Variants in DMD observed in about 807,000 individuals in gnomAD.
DMD encodes the protein dystrophin, also known as mutant dystrophin.
In DMD, 63 loss-of-function variants were observed where a neutral mutation model predicts 330.1. The ratio of observed to expected loss-of-function variants is 0.19; its 90% confidence interval spans 0.16 to 0.24. The LOEUF is 0.24. DMD is among the 10% of genes least tolerant of loss of function. The probability of loss-of-function intolerance (pLI) is 1.00; values close to 1 mark genes in which losing one functional copy is unlikely to be tolerated. For missense variants in DMD, 3,344 were observed against 2,684.1 expected, an observed-to-expected ratio of 1.25 and a Z score of -5.43; for synonymous variants, 1,223 against 959.8, an observed-to-expected ratio of 1.27 and a Z score of -5.07.
intron 13 of DMD, among the ~76,000 whole-genome samples, chrX:32,586,268 G>C (rs1449615817): frequency 9.1e-6 from 1 of 109,555 alleles, no homozygotes; most frequent in Non-Finnish European, 1.9e-5. Context: ...TGTCGTTCTA[G>C]AAAAGAAAAA....
At chrX:32,650,295 T>G (rs754319944) in intron 9 of DMD, among the ~76,000 whole-genome samples, 2 of 111,744 alleles carry the variant, frequency 1.8e-5, no homozygotes, top group East Asian at 5.6e-4. Context: ...TTATTGGTCT[T>G]GAATGCATAA....
chrX:32,686,355 C>T (rs938486089), intron 9 of DMD, among the ~76,000 whole-genome samples: 1 of 109,617 alleles, frequency 9.1e-6, no homozygotes, highest in South Asian at 3.9e-4. Flanking sequence ...GTCAAGAGTT[C>T]GAGACCAGCC....
At chrX:31,259,643 C>CT (rs2050311905) in intron 63 of DMD, among the ~76,000 whole-genome samples, 1 of 111,539 alleles carries the variant, frequency 9.0e-6, no homozygotes. Flanking sequence ...TTTGTTTTTC[C>CT]TTTTTCATGT....
chrX:32,384,595 C>T (rs16990290), intron 33 of DMD, among the ~76,000 whole-genome samples: 17,463 of 110,016 alleles, frequency 0.16, 1,319 homozygotes, highest in African/African-American at 0.29. Flanking sequence ...AAAATGATTA[C>T]TTCCAGATTT....
At chrX:32,394,054 T>A (rs775246524) in intron 30 of DMD, among the ~76,000 whole-genome samples, 2 of 111,720 alleles carry the variant, frequency 1.8e-5, no homozygotes, top group Non-Finnish European at 3.8e-5. Context: ...CATAATAAAA[T>A]TCAGGTCAAT....
intron 55 of DMD, among the ~76,000 whole-genome samples, chrX:31,619,442 C>A (rs2078400787): frequency 9.0e-6 from 1 of 111,726 alleles, no homozygotes; most frequent in Non-Finnish European, 1.9e-5. Flanking sequence ...CTTTTAAGAG[C>A]ATCCTATTAG....
intron 73 of DMD, among the ~76,000 whole-genome samples, chrX:31,170,299 A>C (rs1569403302): frequency 1.8e-5 from 2 of 111,226 alleles, no homozygotes; most frequent in African/African-American, 6.5e-5. Flanking sequence ...TTTATTTTTA[A>C]ATTTATACAT....
In DMD at chrX:31,783,381, C is replaced by T. The variant is rs922374777; in HGVS notation, c.7310-9189G>A. On this transcript the variant is annotated intron_variant, in intron 50 of 78. Coordinates refer to ENST00000357033, the MANE Select transcript of DMD (RefSeq NM_004006.3). Reference sequence around the variant, plus strand: ...ATCTCTTATTTGTTTGGGAGAGCTACGTTTTCACCTTAAGCAGAAAAATAA... The same window carrying T: ...ATCTCTTATTTGTTTGGGAGAGCTATGTTTTCACCTTAAGCAGAAAAATAA... Among the ~76,000 whole-genome samples the T allele has an allele frequency of 8.1e-5, 9 of 111,314 alleles. No homozygotes were observed. The South Asian group carries it at 1.9e-3, about 23-fold the overall frequency.
In DMD at chrX:32,915,746, C is replaced by G. The variant is rs760460949; in HGVS notation, c.94-65926G>C. Reference sequence around the variant, plus strand: ...ATTCTCATTTCATGGAGTAAGTATTCTTATTCCCATTATGTGGAAGAATAA... The same window carrying G: ...ATTCTCATTTCATGGAGTAAGTATTGTTATTCCCATTATGTGGAAGAATAA... On this transcript the variant is annotated intron_variant, in intron 2 of 78. Coordinates refer to ENST00000357033, the MANE Select transcript of DMD (RefSeq NM_004006.3). 4.5e-5 allele frequency among the ~76,000 whole-genome samples: 5 copies of G among 112,019 alleles called. No individual in the cohort carries two copies. The South Asian group carries it at 1.8e-3, about 41-fold the overall frequency.
At chrX:32,846,723 TAAAAAAAAAAAAAA>T (rs10564725) in intron 3 of DMD, among the ~76,000 whole-genome samples, 3 of 53,585 alleles carry the variant, frequency 5.6e-5, no homozygotes, top group Non-Finnish European at 1.0e-4. Context: ...ACTTTAGATT[TAAAAAAAAAAAAAA>T]AAAAAAAAAA....
At chrX:31,446,002 T>G (rs185702489) in intron 59 of DMD, among the ~76,000 whole-genome samples, 3 of 111,915 alleles carry the variant, frequency 2.7e-5, no homozygotes, top group Non-Finnish European at 5.6e-5. Flanking sequence ...TCTGGGCAGG[T>G]GTTATTTCTC....
At chrX:32,233,598 CTTTTATTTATTTATTT>C (rs1479856983) in intron 43 of DMD, among the ~76,000 whole-genome samples, 23 of 93,806 alleles carry the variant, frequency 2.5e-4, no homozygotes, top group African/African-American at 6.0e-4. Flanking sequence ...ATTTCTTTTT[CTTTTATTTATTTATTT>C]ATTTATTTAT....
chrX:33,042,422 C>T (rs1387318191), intron 1 of DMD, among the ~76,000 whole-genome samples: 4 of 112,283 alleles, frequency 3.6e-5, no homozygotes, highest in Admixed American at 9.5e-5. Flanking sequence ...AATTTGCAGC[C>T]TTTTGTAGAG....
At chrX:32,860,162 G>A (rs1211419297) in intron 2 of DMD, among the ~76,000 whole-genome samples, 1 of 112,050 alleles carries the variant, frequency 8.9e-6, no homozygotes, top group Non-Finnish European at 1.9e-5. Context: ...AGGTTGACAA[G>A]TGGCATAAAT....
At chrX:32,920,067 T>A (rs935384307) in intron 2 of DMD, among the ~76,000 whole-genome samples, 2 of 111,558 alleles carry the variant, frequency 1.8e-5, no homozygotes, top group African/African-American at 6.5e-5. Flanking sequence ...TTTAATTTGA[T>A]ACATCAACCT....
chrX:32,667,481 C>A (rs963676415), intron 9 of DMD, among the ~76,000 whole-genome samples: 2 of 111,801 alleles, frequency 1.8e-5, no homozygotes, highest in Non-Finnish European at 3.8e-5. Context: ...TAAGCAACAC[C>A]AACAAGGGAG....
intron 52 of DMD, among the ~76,000 whole-genome samples, chrX:31,686,510 T>C (rs759256874): frequency 2.8e-4 from 31 of 112,615 alleles, no homozygotes; most frequent in African/African-American, 9.7e-4. Flanking sequence ...TTGTTTCTTA[T>C]TTAATGCCTT....
intron 11 of DMD, among the ~76,000 whole-genome samples, chrX:32,635,884 C>T (rs978366559): frequency 6.3e-5 from 7 of 111,674 alleles, no homozygotes; most frequent in Non-Finnish European, 1.3e-4. Context: ...CGCTATTGTC[C>T]TCTAGTTCTC....
chrX:33,216,639 CA>C (rs2052061833), intron 1 of DMD, among the ~76,000 whole-genome samples: 1 of 111,971 alleles, frequency 8.9e-6, no homozygotes, highest in Non-Finnish European at 1.9e-5. Flanking sequence ...AATGAAATTA[CA>C]ATTGTTTACA....
Sources: allele counts gnomAD v4.1 joint callset (sites outside exome capture counted in the v4.1 genomes callset), GRCh38; gene constraint gnomAD v4.1.1; transcripts MANE v1.5; gene names NCBI Gene and HGNC (gene_info 2026-07-23, HGNC 2026-07-21).